NTN4: variants seen among roughly 807,000 people sequenced by gnomAD.
NTN4 encodes netrin 4.
In NTN4, 32 loss-of-function variants were observed where a neutral mutation model predicts 73.6. The ratio of observed to expected loss-of-function variants is 0.44; its 90% CI spans 0.33 to 0.58. The LOEUF is 0.58. Ranked by LOEUF, NTN4 falls within the 20% of genes least tolerant of loss-of-function variation. The pLI is 0.04. For synonymous variants in NTN4, 258 were observed against 287.5 expected, an observed-to-expected ratio of 0.90 and a Z score of 1.04; for missense variants, 654 against 798.3, an observed-to-expected ratio of 0.82 and a Z score of 2.18.
At chr12:95,737,585 CTCTCACTCCT>C (rs1361162744) in intron 3 of NTN4, among the ~76,000 whole-genome samples, 3 of 152,186 alleles carry the variant, frequency 2.0e-5, no homozygotes, top group Non-Finnish European at 1.5e-5. Flanking sequence ...TCATGCCATC[CTCTCACTCCT>C]GCTCACTTTA....
intron 5 of NTN4, among the ~76,000 whole-genome samples, chr12:95,700,415 G>A (rs755238431): frequency 7.2e-5 from 11 of 152,136 alleles, no homozygotes; most frequent in Non-Finnish European, 1.0e-4. Flanking sequence ...ACGCCCTGTT[G>A]GAGATTCTGA....
chr12:95,780,593 G>T (rs549019607), intron 2 of NTN4, among the ~76,000 whole-genome samples: 1 of 152,056 alleles, frequency 6.6e-6, no homozygotes, highest in Admixed American at 6.6e-5. Context: ...AATCAAAACC[G>T]CAATGAGATA....
chr12:95,717,638 T>A (rs1323043179), intron 3 of NTN4, among the ~76,000 whole-genome samples: 1 of 147,790 alleles, frequency 6.8e-6, no homozygotes, highest in Non-Finnish European at 1.5e-5. Flanking sequence ...TCGTGAAAAA[T>A]GTGCAAGTAA....
chr12:95,675,896 A>C (rs569921434), intron 7 of NTN4, among the ~76,000 whole-genome samples: 18 of 152,234 alleles, frequency 1.2e-4, no homozygotes, highest in African/African-American at 4.3e-4. Context: ...TAAACCAACC[A>C]CGTACACAAA....
chr12:95,770,421 G>A (rs993630702), intron 2 of NTN4, among the ~76,000 whole-genome samples: 2 of 152,164 alleles, frequency 1.3e-5, no homozygotes, highest in African/African-American at 4.8e-5. Flanking sequence ...AAGGATGAGG[G>A]TTCCTGGAGA....
chr12:95,726,926 C>G (rs946878780), intron 3 of NTN4, among the ~76,000 whole-genome samples: 1 of 151,730 alleles, frequency 6.6e-6, no homozygotes, highest in Non-Finnish European at 1.5e-5. Flanking sequence ...GTGGAGATTG[C>G]GCCACTGCAC....
At chr12:95,753,168 T>C (rs892917478) in intron 2 of NTN4, among the ~76,000 whole-genome samples, 37 of 152,302 alleles carry the variant, frequency 2.4e-4, no homozygotes, top group African/African-American at 4.8e-4. Flanking sequence ...CAGGCCTAAT[T>C]GCCACACACC....
intron 4 of NTN4, among the ~76,000 whole-genome samples, 193 bp downstream of exon 4, chr12:95,713,019 A>G (rs1303434734): frequency 6.6e-6 from 1 of 151,802 alleles, no homozygotes; most frequent in Non-Finnish European, 1.5e-5. Context: ...CAAAACAGTC[A>G]CATTGGCAAT....
chr12:95,789,456 G>A lies in NTN4; in HGVS notation c.55+799C>T, dbSNP rs1448537661. ...ACTGGAAACCAGGTGACCCGCAAGA[G>A]GGAGGGAGAGGAGCAGAAGGGGCTC... On this transcript the variant is annotated intron_variant, in intron 1 of 9. Transcript: ENST00000343702. The surrounding 1 kb of genome is among the most constrained non-coding windows in gnomAD (Gnocchi z 4.0). Among the ~76,000 whole-genome samples the A allele has an allele frequency of 6.6e-6, 1 of 152,252 alleles. No homozygotes were observed. Among genetic ancestry groups the A allele is most frequent in the East Asian group, 1.9e-4 (1 of 5,202 alleles).
intron 3 of NTN4, among the ~76,000 whole-genome samples, chr12:95,733,012 C>A (rs1016246846): frequency 6.6e-6 from 1 of 152,142 alleles, no homozygotes; most frequent in African/African-American, 2.4e-5. Context: ...ACGCATCAGT[C>A]AAAATATTGA....
chr12:95,743,281 TTC>T (rs1449490476), intron 2 of NTN4, among the ~76,000 whole-genome samples: 5 of 152,198 alleles, frequency 3.3e-5, no homozygotes, highest in African/African-American at 9.6e-5. Context: ...TCTATTGTTT[TTC>T]TGTTTTTCTT....
chr12:95,752,848 A>G (rs559581830), intron 2 of NTN4, among the ~76,000 whole-genome samples: 8 of 152,308 alleles, frequency 5.3e-5, no homozygotes, highest in Admixed American at 1.3e-4. Flanking sequence ...TAGAGGCCCT[A>G]AAAATCACAA....
intron 2 of NTN4, among the ~76,000 whole-genome samples, chr12:95,777,207 A>G (rs2079100135): frequency 6.6e-6 from 1 of 152,246 alleles, no homozygotes; most frequent in African/African-American, 2.4e-5. Flanking sequence ...CTGCAAAAAC[A>G]TGCCAAATTG....
chr12:95,731,276 A>G (rs1258509505), intron 3 of NTN4, among the ~76,000 whole-genome samples: 1 of 152,172 alleles, frequency 6.6e-6, no homozygotes, highest in Non-Finnish European at 1.5e-5. Context: ...TATAAAATAT[A>G]AAACAGCTAG....
intron 2 of NTN4, among the ~76,000 whole-genome samples, chr12:95,738,998 G>T (rs2078803048): frequency 6.6e-6 from 1 of 152,110 alleles, no homozygotes; most frequent in African/African-American, 2.4e-5. Flanking sequence ...TAATGGCTCT[G>T]CCTGGTTTCT....
At chr12:95,768,062 G>T (rs186077218) in intron 2 of NTN4, among the ~76,000 whole-genome samples, 1 of 152,312 alleles carries the variant, frequency 6.6e-6, no homozygotes, top group East Asian at 1.9e-4. Context: ...ATACAAAGTT[G>T]TTGTCAGTAA....
chr12:95,694,316 CCCG>C (rs1565886829), intron 5 of NTN4, among the ~76,000 whole-genome samples: 4 of 152,034 alleles, frequency 2.6e-5, no homozygotes, highest in Admixed American at 1.3e-4. Context: ...TCACCAAGAC[CCCG>C]GCGGCCACTC....
chr12:95,677,774 G>T (rs1254831836), intron 7 of NTN4, among the ~76,000 whole-genome samples: 1 of 152,236 alleles, frequency 6.6e-6, no homozygotes, highest in Admixed American at 6.5e-5. Context: ...GGAAGACAGT[G>T]TGGTGATTCC....
intron 7 of NTN4, among the ~76,000 whole-genome samples, chr12:95,679,036 C>G (rs10735332): frequency 0.41 from 62,487 of 151,844 alleles, 13,041 homozygotes; most frequent in East Asian, 0.56. Context: ...CCTTAAAGAG[C>G]ACCTTAATAT....
Sources: gnomAD v4.1 joint callset for allele counts (sites outside exome capture counted in the v4.1 genomes callset) on GRCh38, gnomAD v4.1.1 for gene constraint, Gnocchi (gnomAD v3.1) non-coding constraint, MANE v1.5 for transcripts, NCBI Gene and HGNC (gene_info 2026-07-23, HGNC 2026-07-21) for gene names.